Variants in SASH1 observed in about 807,000 individuals in gnomAD.
SASH1 encodes SAM and SH3 domain-containing protein 1.
Under a neutral mutation model 125.2 loss-of-function variants are expected in SASH1, and 44 were observed. That is an observed-to-expected ratio of 0.35 (90% CI 0.28 to 0.45). The LOEUF is 0.45. Ranked by LOEUF, SASH1 falls within the 20% of genes least tolerant of loss-of-function variation. The probability of loss-of-function intolerance (pLI) is 1.00; values close to 1 mark genes in which losing one functional copy is unlikely to be tolerated. For synonymous variants in SASH1, 639 were observed against 649.1 expected, an observed-to-expected ratio of 0.98 and a Z score of 0.24; for missense variants, 1,426 against 1,614.5, an observed-to-expected ratio of 0.88 and a Z score of 2.00.
chr6:148,446,265 T>C (rs934034738), intron 4 of SASH1, among the ~76,000 whole-genome samples: 8 of 152,034 alleles, frequency 5.3e-5, no homozygotes, highest in East Asian at 3.9e-4. Flanking sequence ...CCCGCCATCA[T>C]GCCCAGCTAA....
At chr6:148,245,254 T>A in the SASH1 span, among the ~76,000 whole-genome samples, 1 of 152,196 alleles carries the variant, frequency 6.6e-6, no homozygotes, top group Non-Finnish European at 1.5e-5. Flanking sequence ...TCAAATACGG[T>A]TCTATCAAGG....
chr6:148,402,740 C>T (rs184569302), intron 2 of SASH1, among the ~76,000 whole-genome samples: 1 of 152,084 alleles, frequency 6.6e-6, no homozygotes, highest in East Asian at 1.9e-4. Context: ...TCCTGAGTAG[C>T]TGGGACTACA....
In SASH1 at chr6:148,548,445, T is replaced by C; in HGVS notation, c.3631T>C (p.Ser1211Pro). 6.2e-7 allele frequency: 1 copy of C among 1,614,180 alleles called. No homozygotes were observed. Among genetic ancestry groups the C allele is most frequent in the South Asian group, 1.1e-5 (1 of 91,082 alleles). The stretch of plus-strand genomic sequence containing the variant: ...CTTCAGCACACTGAGCCAAGTGCCT[T>C]CTCTGTCTCACACTTGCCTTCAGGA... ...AGFSTLSQVP[S>P]LSHTCLQEAG... Residue 1211 changes from serine to proline, a missense_variant, in exon 20 of 20, where the codon TCT (serine) becomes CCT (proline). Physicochemically the swap from Ser to Pro is moderately conservative, Grantham distance 74 (BLOSUM62 -1). Transcript: ENST00000367467.
At chr6:148,548,169 G>T in intron 19 of SASH1, 126 bp from the exon 20 acceptor site, 1 of 817,568 alleles carries the variant, frequency 1.2e-6, no homozygotes. Flanking sequence ...GACACTCATT[G>T]CATTGTCGCT....
At chr6:148,298,872 GTAA>G (rs1779855422) in intron 1 of SASH1, among the ~76,000 whole-genome samples, 3 of 47,154 alleles carry the variant, frequency 6.4e-5, no homozygotes. Context: ...AGGGAGGGAA[GTAA>G]GGAGGGAGGG....
chr6:148,445,177 C>T (rs1267830682), intron 4 of SASH1, among the ~76,000 whole-genome samples: 4 of 152,108 alleles, frequency 2.6e-5, no homozygotes, highest in African/African-American at 4.8e-5. Context: ...CCTGTTTTAT[C>T]GGCAGGATCT....
upstream of SASH1, among the ~76,000 whole-genome samples, chr6:148,341,499 T>C (rs546551243): frequency 6.6e-6 from 1 of 152,250 alleles, no homozygotes; most frequent in South Asian, 2.1e-4. Context: ...TCAGGGATTG[T>C]GTTTATAAAT....
At chr6:148,322,072 C>T (rs1395608302) in intron 1 of SASH1, among the ~76,000 whole-genome samples, 8 of 152,164 alleles carry the variant, frequency 5.3e-5, no homozygotes, top group Non-Finnish European at 8.8e-5. Context: ...ATCTCTCAGC[C>T]GGGCACAGTG....
intron 1 of SASH1, among the ~76,000 whole-genome samples, chr6:148,385,569 C>T (rs1192642354): frequency 1.3e-5 from 2 of 152,088 alleles, no homozygotes; most frequent in African/African-American, 2.4e-5. Flanking sequence ...AGGAAAGACC[C>T]GGGCTGGATT....
chr6:148,396,534 G>A (rs1783961253), intron 2 of SASH1, among the ~76,000 whole-genome samples: 1 of 149,362 alleles, frequency 6.7e-6, no homozygotes, highest in African/African-American at 2.5e-5. Flanking sequence ...TAATGGTGTA[G>A]GAATGACTTA....
chr6:148,282,037 A>T (rs906869285), intron 1 of SASH1, among the ~76,000 whole-genome samples: 1 of 152,242 alleles, frequency 6.6e-6, no homozygotes, highest in Admixed American at 6.5e-5. Flanking sequence ...GAAACCATAA[A>T]TTAGAACATA....
intron 8 of SASH1, among the ~76,000 whole-genome samples, chr6:148,488,460 C>T (rs1382330733): frequency 6.6e-6 from 1 of 152,342 alleles, no homozygotes; most frequent in South Asian, 2.1e-4. Flanking sequence ...CACTGGTGTA[C>T]AAGTATCTCT....
At chr6:148,536,953 T>C (rs1397268656) in intron 16 of SASH1, among the ~76,000 whole-genome samples, 1 of 152,254 alleles carries the variant, frequency 6.6e-6, no homozygotes, top group African/African-American at 2.4e-5. Flanking sequence ...AAAGTTGTAC[T>C]TCCTTTTATT....
chr6:148,537,829 T>TGG (rs1781953505), intron 16 of SASH1, among the ~76,000 whole-genome samples: 1 of 129,544 alleles, frequency 7.7e-6, no homozygotes, highest in East Asian at 2.2e-4. Context: ...TGTGTGTGTG[T>TGG]GTGGTTGGTG....
At position 148,533,539 on chromosome 6, in the gene SASH1, G is replaced by GACCTAA; in HGVS notation, c.1735-232_1735-231insACCTAA. 6.6e-6 allele frequency among the ~76,000 whole-genome samples: 1 copy of GACCTAA among 152,224 alleles called. No individual in the cohort carries two copies. Among genetic ancestry groups the GACCTAA allele is most frequent in the Non-Finnish European group, 1.5e-5 (1 of 68,020 alleles). On this transcript the variant is annotated intron_variant, in intron 14 of 19. Coordinates refer to ENST00000367467, the MANE Select transcript of SASH1 (RefSeq NM_015278.5). This position sits in a 1 kb window ranked among gnomAD's most constrained non-coding sequence, Gnocchi z 6.2. ...GTTCTGCAGGGCAGGAGGGTGGAGG[G>GACCTAA]GCTGTGACCGGGGGCCTGCGTGGAA...
At chr6:148,408,846 A>T (rs1410711933) in intron 2 of SASH1, among the ~76,000 whole-genome samples, 1 of 152,182 alleles carries the variant, frequency 6.6e-6, no homozygotes, top group Admixed American at 6.5e-5. Flanking sequence ...ATATTTGCAT[A>T]TGGTGTAAGG....
chr6:148,489,235 T>C (rs915910551), intron 8 of SASH1, among the ~76,000 whole-genome samples: 1 of 152,220 alleles, frequency 6.6e-6, no homozygotes, highest in Non-Finnish European at 1.5e-5. Context: ...TGTCCTTTCC[T>C]CATTTTATGG....
At chr6:148,344,917 G>T (rs550244949) in intron 1 of SASH1, among the ~76,000 whole-genome samples, 1 of 151,864 alleles carries the variant, frequency 6.6e-6, no homozygotes, top group Non-Finnish European at 1.5e-5. Flanking sequence ...CACCACACCC[G>T]GCTGATTTTT....
chr6:148,511,418 T>A (rs2115316185), intron 8 of SASH1, among the ~76,000 whole-genome samples: 1 of 151,766 alleles, frequency 6.6e-6, no homozygotes, highest in Middle Eastern at 3.4e-3. Flanking sequence ...TTCGTATAAA[T>A]TGTGCCGCAT....
Sources: gnomAD v4.1 joint callset for allele counts (sites outside exome capture counted in the v4.1 genomes callset) on GRCh38, gnomAD v4.1.1 for gene constraint, Gnocchi (gnomAD v3.1) non-coding constraint, MANE v1.5 for transcripts, NCBI Gene and HGNC (gene_info 2026-07-23, HGNC 2026-07-21) for gene names.